Variants in CFI observed in about 807,000 individuals in gnomAD.
CFI encodes the protein complement factor I.
In CFI, 66 loss-of-function variants were observed where a neutral mutation model predicts 78.8. The observed-to-expected ratio is 0.84, with a 90% CI of 0.69 to 1.03. The LOEUF (loss-of-function observed/expected upper bound fraction) is 1.03. Ranked by LOEUF, CFI falls within the 50% of genes least tolerant of loss-of-function variation. The pLI is 0.00. For synonymous variants in CFI, 250 were observed against 232.6 expected, an observed-to-expected ratio of 1.07 and a Z score of -0.68; for missense variants, 706 against 704.5, an observed-to-expected ratio of 1.00 and a Z score of -0.02.
chr4:109,778,342 A>G (rs1372135000), intron 1 of CFI, among the ~76,000 whole-genome samples: 2 of 152,220 alleles, frequency 1.3e-5, no homozygotes, highest in South Asian at 2.1e-4. Flanking sequence ...ATCAGAGAAT[A>G]CTATAAACAC....
At chr4:109,776,822 A>G (rs1579269504) in intron 1 of CFI, among the ~76,000 whole-genome samples, 2 of 152,264 alleles carry the variant, frequency 1.3e-5, no homozygotes, top group Non-Finnish European at 2.9e-5. Context: ...AATATTCAAC[A>G]TTCTTAAAGA....
At chr4:109,792,407 C>T (rs1268943919) in intron 1 of CFI, among the ~76,000 whole-genome samples, 2 of 152,080 alleles carry the variant, frequency 1.3e-5, no homozygotes, top group Admixed American at 6.6e-5. Flanking sequence ...GAAACCCTGT[C>T]TCTACTAAAA....
downstream of CFI, among the ~76,000 whole-genome samples, chr4:109,738,407 C>T (rs1723501679): frequency 6.6e-6 from 1 of 152,116 alleles, no homozygotes; most frequent in South Asian, 2.1e-4. Flanking sequence ...CCACTGCGCC[C>T]AGCCACTTTT....
intron 11 of CFI, 132 bp downstream of exon 11, chr4:109,746,090 T>C: frequency 9.0e-7 from 1 of 1,111,654 alleles, no homozygotes; most frequent in Non-Finnish European, 1.3e-6. Flanking sequence ...AAGCCAGCCA[T>C]GGCTGGATGT....
downstream of CFI, among the ~76,000 whole-genome samples, chr4:109,740,365 G>A (rs13139018): frequency 0.97 from 147,390 of 151,736 alleles, 71,539 homozygotes; most frequent in Non-Finnish European, 1. Context: ...AAAGAAAGAA[G>A]GAAAGAGAGA....
At chr4:109,791,135 C>G (rs780123689) in intron 1 of CFI, among the ~76,000 whole-genome samples, 1 of 152,016 alleles carries the variant, frequency 6.6e-6, no homozygotes, top group Non-Finnish European at 1.5e-5. Context: ...TTTAATAGTG[C>G]CATTCTGACT....
At chr4:109,778,784 T>A (rs10007165) in intron 1 of CFI, among the ~76,000 whole-genome samples, 2 of 152,110 alleles carry the variant, frequency 1.3e-5, no homozygotes, top group East Asian at 3.9e-4. Context: ...TTATCCATTA[T>A]GATCAAGTTG....
chr4:109,797,216 C>T (rs1174834555), intron 1 of CFI, among the ~76,000 whole-genome samples: 1 of 152,160 alleles, frequency 6.6e-6, no homozygotes, highest in Non-Finnish European at 1.5e-5. Flanking sequence ...ATGGTACTCT[C>T]ATAAAAACAG....
At chr4:109,796,126 C>G (rs1405892921) in intron 1 of CFI, among the ~76,000 whole-genome samples, 2 of 152,114 alleles carry the variant, frequency 1.3e-5, no homozygotes, top group African/African-American at 4.8e-5. Flanking sequence ...TTGTCATATA[C>G]AAAGAAAACC....
At chr4:109,777,412 G>A (rs929680480) in intron 1 of CFI, among the ~76,000 whole-genome samples, 22 of 152,086 alleles carry the variant, frequency 1.4e-4, no homozygotes, top group East Asian at 1.9e-4. Flanking sequence ...TAAAGGGATC[G>A]ATTCAACAAG....
At chr4:109,773,955 G>T (rs1170629415) in intron 1 of CFI, among the ~76,000 whole-genome samples, 1 of 152,198 alleles carries the variant, frequency 6.6e-6, no homozygotes, top group East Asian at 1.9e-4. Flanking sequence ...CACTATTGTA[G>T]CCCAGTAATT....
chr4:109,753,551 TTATATA>T (rs1408479887), intron 7 of CFI, among the ~76,000 whole-genome samples: 2 of 16,322 alleles, frequency 1.2e-4, no homozygotes, highest in African/African-American at 3.3e-4. Context: ...AATATATTTA[TTATATA>T]AATAAATATT....
At chr4:109,740,105 G>A (rs1355785265), downstream of CFI, among the ~76,000 whole-genome samples, 1 of 152,058 alleles carries the variant, frequency 6.6e-6, no homozygotes, top group Non-Finnish European at 1.5e-5. Flanking sequence ...ACCAGCCTGG[G>A]CATCAAAGCA....
intron 1 of CFI, among the ~76,000 whole-genome samples, chr4:109,768,614 C>T (rs6533458): frequency 0.97 from 147,827 of 152,244 alleles, 71,912 homozygotes; most frequent in East Asian, 1. Context: ...GGGCCAAAAG[C>T]CAATCTGCGA....
At chr4:109,751,468 G>A in intron 8 of CFI, among the ~76,000 whole-genome samples, 1 of 123,252 alleles carries the variant, frequency 8.1e-6, no homozygotes, top group East Asian at 2.4e-4. Flanking sequence ...TTGAGATGGA[G>A]TCTCACTCTG....
intron 1 of CFI, among the ~76,000 whole-genome samples, chr4:109,778,076 G>A (rs1029761218): frequency 1.3e-5 from 2 of 152,148 alleles, no homozygotes; most frequent in African/African-American, 4.8e-5. Flanking sequence ...AAAAGAACTA[G>A]AGAAGCAAGA....
At chr4:109,761,722 T>C in intron 3 of CFI, 30 bp from the exon 4 acceptor site, 2 of 1,548,214 alleles carry the variant, frequency 1.3e-6, no homozygotes, top group Non-Finnish European at 1.8e-6. Flanking sequence ...AACATTATGG[T>C]AGAATAATTA....
chr4:109,743,971 C>T lies in CFI; in HGVS notation c.1430-1376G>A, dbSNP rs1724125987. Among the ~76,000 whole-genome samples the T allele has an allele frequency of 2.6e-5, 4 of 151,780 alleles. No individual in the cohort carries two copies. The South Asian group carries it at 8.3e-4, about 32-fold the overall frequency. ...CTGCAGTTTAGCCTGGACAACAGAG[C>T]AAGACCCTGTCTCAAAAAAAAAAAT... On this transcript the variant is annotated intron_variant, in intron 11 of 12. Coordinates refer to ENST00000394634, the MANE Select transcript of CFI (RefSeq NM_000204.5).
chr4:109,757,359 G>A (rs1726453585), intron 7 of CFI, among the ~76,000 whole-genome samples: 2 of 152,066 alleles, frequency 1.3e-5, no homozygotes, highest in African/African-American at 4.8e-5. Flanking sequence ...TTTAAAAAGG[G>A]TGGTCCCAAA....
Sources: allele counts gnomAD v4.1 joint callset (sites outside exome capture counted in the v4.1 genomes callset), GRCh38; gene constraint gnomAD v4.1.1; transcripts MANE v1.5; gene names NCBI Gene and HGNC (gene_info 2026-07-23, HGNC 2026-07-21).